Variants in PLEKHA1 observed in about 807,000 individuals in gnomAD.
PLEKHA1 encodes the protein pleckstrin homology domain-containing family A member 1.
PLEKHA1 carries 34 observed loss-of-function variants against 52.0 expected under a neutral mutation model. The ratio of observed to expected loss-of-function variants is 0.65; its 90% confidence interval spans 0.50 to 0.87. The LOEUF (loss-of-function observed/expected upper bound fraction) is 0.87. PLEKHA1 is among the 40% of genes least tolerant of loss of function. PLEKHA1 has a pLI of 0.00. For missense variants in PLEKHA1, 497 were observed against 504.2 expected, an observed-to-expected ratio of 0.99 and a Z score of 0.14; for synonymous variants, 163 against 170.7, an observed-to-expected ratio of 0.95 and a Z score of 0.35.
chr10:122,384,915 C>T (rs564885007), intron 1 of PLEKHA1, among the ~76,000 whole-genome samples: 22 of 152,166 alleles, frequency 1.4e-4, no homozygotes, highest in African/African-American at 4.8e-4. Context: ...GAGTATCACG[C>T]GACTGCACTG....
chr10:122,402,658 T>A (rs1032686421), intron 4 of PLEKHA1, among the ~76,000 whole-genome samples: 30 of 152,164 alleles, frequency 2.0e-4, no homozygotes, highest in African/African-American at 7.2e-4. Flanking sequence ...ACAGGGACTT[T>A]GTTTGCATAT....
At chr10:122,377,749 T>G (rs573795939) in intron 1 of PLEKHA1, among the ~76,000 whole-genome samples, 28 of 152,178 alleles carry the variant, frequency 1.8e-4, no homozygotes, top group Non-Finnish European at 3.5e-4. Flanking sequence ...GGGTACTGTC[T>G]AATAAGGGAT....
At chr10:122,376,213 A>C (rs1169868535) in intron 1 of PLEKHA1, among the ~76,000 whole-genome samples, 1 of 152,112 alleles carries the variant, frequency 6.6e-6, no homozygotes, top group East Asian at 1.9e-4. Context: ...ATACCTGTTT[A>C]CTTTTCATGC....
In PLEKHA1 at chr10:122,393,437, A is replaced by G; in HGVS notation, c.141+96A>G. On this transcript the variant is annotated intron_variant, in intron 2 of 11. Transcript: ENST00000368990. This position sits in a 1 kb window ranked among gnomAD's most constrained non-coding sequence, Gnocchi z 4.5. ...AGGCTTTAGATTTGTCTTCTTAAGC[A>G]GTATATTTTTAGATTTATTTCTACT... 8.0e-7 allele frequency: 1 copy of G among 1,249,242 alleles called. No homozygotes were observed. The highest frequency in any genetic ancestry group is 1.1e-6 in the Non-Finnish European group (1 of 946,120). 77.4% of individuals were successfully genotyped at this position (1,249,242 alleles called of 1,614,324 possible). A position where few individuals can be genotyped will look rare whatever the true frequency, so the allele number is the denominator to read the frequency against.
intron 1 of PLEKHA1, among the ~76,000 whole-genome samples, chr10:122,391,471 A>C (rs1442356852): frequency 6.6e-6 from 1 of 152,174 alleles, no homozygotes; most frequent in Non-Finnish European, 1.5e-5. Flanking sequence ...GTCCAGCTTC[A>C]TTCTATGTGG....
chr10:122,419,179 C>T (rs760655360), intron 8 of PLEKHA1: 9 of 152,158 alleles, frequency 5.9e-5, no homozygotes, highest in Non-Finnish European at 1.3e-4. Flanking sequence ...GTACCCTATG[C>T]ATACTTGTAT....
intron 11 of PLEKHA1, among the ~76,000 whole-genome samples, chr10:122,427,468 G>GT (rs1019439272): frequency 2.0e-5 from 3 of 152,086 alleles, no homozygotes; most frequent in African/African-American, 7.2e-5. Context: ...GTTTTGTTTT[G>GT]TTTTTTACCT....
the PLEKHA1 span, chr10:122,440,086 T>C: frequency 6.6e-6 from 1 of 152,230 alleles, no homozygotes; most frequent in Admixed American, 6.5e-5. Context: ...AGTTGTGCTA[T>C]CTTCTGATTT....
Position 122,430,045 on chromosome 10 carries a change from T to C in PLEKHA1, c.*107T>C, listed in dbSNP as rs2097403385. On this transcript the variant is annotated 3_prime_UTR_variant, in exon 12 of 12. Coordinates refer to ENST00000368990, the MANE Select transcript of PLEKHA1 (RefSeq NM_001001974.4). ...GAAATGGTTTTTAGTGCGTATATTA[T>C]ACTGCCTCTTAGGTGTACTCTTTAT... 6 of 1,206,158 alleles carry C rather than the reference T, an allele frequency of 5.0e-6. No homozygotes were observed. Among genetic ancestry groups the C allele is most frequent in the South Asian group, 1.6e-5 (1 of 63,708 alleles). 74.7% of individuals were successfully genotyped at this position (1,206,158 alleles called of 1,614,324 possible). A position where few individuals can be genotyped will look rare whatever the true frequency, so the allele number is the denominator to read the frequency against.
intron 4 of PLEKHA1, among the ~76,000 whole-genome samples, chr10:122,401,376 G>A (rs986809580): frequency 7.2e-5 from 11 of 152,240 alleles, no homozygotes; most frequent in African/African-American, 2.6e-4. Flanking sequence ...TAGGTAGACT[G>A]GGTAAGTGTC....
intron 1 of PLEKHA1, among the ~76,000 whole-genome samples, chr10:122,390,091 T>G (rs2096756225): frequency 6.6e-6 from 1 of 152,244 alleles, no homozygotes; most frequent in Non-Finnish European, 1.5e-5. Flanking sequence ...TGCTTCACCT[T>G]GCACTTTTAT....
chr10:122,434,024 T>C (rs1258922661), downstream of PLEKHA1: 1 of 152,164 alleles, frequency 6.6e-6, no homozygotes, highest in Admixed American at 6.5e-5. Context: ...ACGCCAGCCA[T>C]GGGAGGTGAT....
intron 1 of PLEKHA1, among the ~76,000 whole-genome samples, chr10:122,375,194 C>G (rs957191561): frequency 2.0e-5 from 3 of 152,004 alleles, no homozygotes; most frequent in Non-Finnish European, 4.4e-5. Flanking sequence ...GTCTCCGCCC[C>G]CCGAGAAATC....
chr10:122,407,595 G>C (rs1056595321), intron 5 of PLEKHA1, among the ~76,000 whole-genome samples: 3 of 152,158 alleles, frequency 2.0e-5, no homozygotes, highest in African/African-American at 7.2e-5. Context: ...TTTACTGAGA[G>C]AGTTTGCTAG....
chr10:122,422,976 A>G (rs2097281558), intron 8 of PLEKHA1: 1 of 152,210 alleles, frequency 6.6e-6, no homozygotes, highest in African/African-American at 2.4e-5. Context: ...AAGCAAATGT[A>G]AAATATCAAC....
At chr10:122,427,123 C>T (rs868857964) in intron 11 of PLEKHA1, 92 bp downstream of exon 11, 1 of 1,223,940 alleles carries the variant, frequency 8.2e-7, no homozygotes, top group Non-Finnish European at 1.2e-6. Context: ...TTCTTTCTTT[C>T]TTGAGATTTA....
At chr10:122,389,554 G>A (rs2096747523) in intron 1 of PLEKHA1, among the ~76,000 whole-genome samples, 1 of 152,150 alleles carries the variant, frequency 6.6e-6, no homozygotes, top group African/African-American at 2.4e-5. Flanking sequence ...ACAAAAATTA[G>A]TCAGGCATGA....
chr10:122,386,423 T>A (rs2096699109), intron 1 of PLEKHA1, among the ~76,000 whole-genome samples: 1 of 152,144 alleles, frequency 6.6e-6, no homozygotes, highest in Admixed American at 6.5e-5. Flanking sequence ...AATATTTTCT[T>A]CATTTTTATG....
At chr10:122,376,682 A>G (rs2133459165) in intron 1 of PLEKHA1, among the ~76,000 whole-genome samples, 1 of 152,272 alleles carries the variant, frequency 6.6e-6, no homozygotes, top group African/African-American at 2.4e-5. Flanking sequence ...CAGTGTAACA[A>G]AATAGGAAAG....
Sources: gnomAD v4.1 joint callset for allele counts (sites outside exome capture counted in the v4.1 genomes callset) on GRCh38, gnomAD v4.1.1 for gene constraint, Gnocchi (gnomAD v3.1) non-coding constraint, MANE v1.5 for transcripts, NCBI Gene and HGNC (gene_info 2026-07-23, HGNC 2026-07-21) for gene names.